The following CAMTA1 variants were observed in gnomAD, a reference collection of about 807,000 sequenced individuals.
CAMTA1 encodes the protein calmodulin-binding transcription activator 1.
CAMTA1 carries 27 observed loss-of-function variants against 170.9 expected under a neutral mutation model. The ratio of observed to expected loss-of-function variants is 0.16; its 90% CI spans 0.12 to 0.22. The LOEUF (loss-of-function observed/expected upper bound fraction) is 0.22, where lower values mean the gene tolerates loss of function less well. Among genes scored for constraint, CAMTA1 ranks in the 10% least tolerant of loss-of-function variants. The probability of loss-of-function intolerance (pLI) is 1.00; values close to 1 mark genes in which losing one functional copy is unlikely to be tolerated. For missense variants in CAMTA1, 1,619 were observed against 2,217.2 expected, an observed-to-expected ratio of 0.73 and a Z score of 5.42; for synonymous variants, 833 against 891.5, an observed-to-expected ratio of 0.93 and a Z score of 1.17.
At chr1:7,478,254 A>G (rs543411263) in intron 6 of CAMTA1, among the ~76,000 whole-genome samples, 1 of 135,586 alleles carries the variant, frequency 7.4e-6, no homozygotes, top group East Asian at 2.3e-4. Flanking sequence ...AAATGGCAAA[A>G]TGCTAGGCTT....
intron 5 of CAMTA1, among the ~76,000 whole-genome samples, chr1:7,412,675 G>T (rs1414297619): frequency 6.6e-6 from 1 of 152,000 alleles, no homozygotes; most frequent in African/African-American, 2.4e-5. Context: ...AGATGAGTAG[G>T]TTGCGAAAAT....
At chr1:7,098,099 T>TTGTA (rs1553244125) in intron 4 of CAMTA1, among the ~76,000 whole-genome samples, 1 of 150,760 alleles carries the variant, frequency 6.6e-6, no homozygotes, top group Admixed American at 6.6e-5. Flanking sequence ...GGTGGACGAA[T>TTGTA]TGTGTGTGTG....
At chr1:7,712,933 C>T (rs151234213) in intron 11 of CAMTA1, among the ~76,000 whole-genome samples, 3,998 of 152,178 alleles carry the variant, frequency 0.026, 137 homozygotes, top group African/African-American at 0.084. Flanking sequence ...TTCACTATCA[C>T]GAGAACAGCA....
In CAMTA1 at chr1:7,293,043, C is replaced by T. The variant is rs529142275; in HGVS notation, c.438+43417C>T. On this transcript the variant is annotated intron_variant, in intron 5 of 22. Coordinates refer to ENST00000303635, the MANE Select transcript of CAMTA1 (RefSeq NM_015215.4). The surrounding 1 kb of genome is among the most constrained non-coding windows in gnomAD (Gnocchi z 4.1). ...AACCACCCTAGGAAGTGGCAAGCTC[C>T]GGCGGGGTGTCCTACTCCCTGCTGG... Among the ~76,000 whole-genome samples, 10 of 152,252 alleles carry T rather than the reference C, an allele frequency of 6.6e-5. No individual in the cohort carries two copies. In the South Asian group the frequency reaches 8.3e-4, roughly 13 times the overall value.
At chr1:7,365,845 C>T (rs1265081393) in intron 5 of CAMTA1, among the ~76,000 whole-genome samples, 2 of 152,318 alleles carry the variant, frequency 1.3e-5, no homozygotes, top group Non-Finnish European at 1.5e-5. Flanking sequence ...CAGAGCAATA[C>T]GTGGGGATGG....
chr1:7,615,553 C>T (rs1285582492), intron 6 of CAMTA1, among the ~76,000 whole-genome samples: 1 of 152,240 alleles, frequency 6.6e-6, no homozygotes, highest in Non-Finnish European at 1.5e-5. Context: ...GTACAGCACG[C>T]TTCTTGATGC....
At chr1:6,860,627 G>T (rs552745976) in intron 3 of CAMTA1, among the ~76,000 whole-genome samples, 5 of 152,116 alleles carry the variant, frequency 3.3e-5, no homozygotes, top group Admixed American at 6.5e-5. Flanking sequence ...AGGTCTATCA[G>T]GGCCGGGCGC....
At chr1:7,529,125 G>A (rs1330565634) in intron 6 of CAMTA1, among the ~76,000 whole-genome samples, 1 of 152,180 alleles carries the variant, frequency 6.6e-6, no homozygotes, top group African/African-American at 2.4e-5. Flanking sequence ...TTGTGGATAT[G>A]GAATGAAGGG....
At chr1:6,809,073 C>A (rs1644868154) in intron 1 of CAMTA1, among the ~76,000 whole-genome samples, 1 of 150,730 alleles carries the variant, frequency 6.6e-6, no homozygotes, top group African/African-American at 2.4e-5. Flanking sequence ...GTCGCCCAGG[C>A]TGCAGTGCAA....
At chr1:7,611,124 G>A (rs988484808) in intron 6 of CAMTA1, among the ~76,000 whole-genome samples, 11 of 152,118 alleles carry the variant, frequency 7.2e-5, no homozygotes, top group Non-Finnish European at 1.3e-4. Context: ...AGAGGAAGGC[G>A]CGGGGCCATG....
At chr1:7,447,930 A>C (rs1233494339) in intron 5 of CAMTA1, among the ~76,000 whole-genome samples, 1 of 152,222 alleles carries the variant, frequency 6.6e-6, no homozygotes, top group Non-Finnish European at 1.5e-5. Flanking sequence ...CATGGCAATC[A>C]ATCCAGGTTT....
At chr1:7,343,717 G>C (rs78371144) in intron 5 of CAMTA1, among the ~76,000 whole-genome samples, 3,261 of 152,196 alleles carry the variant, frequency 0.021, 116 homozygotes, top group African/African-American at 0.076. Context: ...TCAGTCTTAT[G>C]ACTTATAAGT....
intron 11 of CAMTA1, among the ~76,000 whole-genome samples, chr1:7,705,437 G>A (rs1456693387): frequency 6.0e-5 from 9 of 151,220 alleles, no homozygotes; most frequent in Non-Finnish European, 1.2e-4. Flanking sequence ...CGCGCGGGCC[G>A]GATGAGCTTC....
intron 3 of CAMTA1, among the ~76,000 whole-genome samples, chr1:6,997,484 G>A (rs1248092493): frequency 1.3e-5 from 2 of 151,814 alleles, no homozygotes; most frequent in East Asian, 3.9e-4. Context: ...CTGTCCTTTG[G>A]CTCTTCGGGC....
intron 4 of CAMTA1, among the ~76,000 whole-genome samples, chr1:7,170,422 C>A (rs956966790): frequency 5.3e-5 from 8 of 151,892 alleles, no homozygotes; most frequent in Non-Finnish European, 1.2e-4. Flanking sequence ...AGGTTTTAAG[C>A]CCTGCATGCA....
intron 11 of CAMTA1, among the ~76,000 whole-genome samples, chr1:7,709,517 T>C (rs1475037199): frequency 6.6e-6 from 1 of 152,254 alleles, no homozygotes; most frequent in Non-Finnish European, 1.5e-5. Context: ...GATGTGAATC[T>C]AAAGCCAACT....
chr1:7,307,915 GTAAAATTGA>G (rs1359719264), intron 5 of CAMTA1, among the ~76,000 whole-genome samples: 1 of 151,928 alleles, frequency 6.6e-6, no homozygotes, highest in Non-Finnish European at 1.5e-5. Context: ...AAGAGTTTGT[GTAAAATTGA>G]TACTATTTCT....
chr1:7,467,405 T>C (rs1050711507), intron 5 of CAMTA1, among the ~76,000 whole-genome samples: 5 of 152,146 alleles, frequency 3.3e-5, no homozygotes. Context: ...GTAGCATGTA[T>C]GTTTCATGTG....
rs143286896 is a variant in CAMTA1, at chr1:7,104,752, G to T, written c.302+13381G>T. On this transcript the variant is annotated intron_variant, in intron 4 of 22. Transcript: ENST00000303635. ...AGAAAGTGGTCTCCAGGGACAAGGG[G>T]TCGTGCTGGCTGTGGCAGCTTCACA... Among the ~76,000 whole-genome samples the T allele has an allele frequency of 2.8e-3, 420 of 152,320 alleles. 1 individual carries two copies. Among genetic ancestry groups the T allele is most frequent in the African/African-American group, 9.3e-3 (386 of 41,562 alleles).
Sources: gnomAD v4.1 joint callset for allele counts (sites outside exome capture counted in the v4.1 genomes callset) on GRCh38, gnomAD v4.1.1 for gene constraint, Gnocchi (gnomAD v3.1) non-coding constraint, MANE v1.5 for transcripts, NCBI Gene and HGNC (gene_info 2026-07-23, HGNC 2026-07-21) for gene names.